The following HHAT variants were observed in gnomAD, a reference collection of about 807,000 sequenced individuals.
The protein encoded by HHAT is hedgehog acyltransferase, also known as protein-cysteine N-palmitoyltransferase HHAT.
A neutral mutation model predicts 70.8 loss-of-function variants in HHAT; 47 were observed. The observed-to-expected ratio is 0.66, with a 90% CI of 0.53 to 0.85. HHAT has a LOEUF of 0.85. HHAT is among the 40% of genes least tolerant of loss of function. HHAT has a pLI of 0.00. For synonymous variants in HHAT, 228 were observed against 247.6 expected, an observed-to-expected ratio of 0.92 and a Z score of 0.74; for missense variants, 609 against 604.8, an observed-to-expected ratio of 1.01 and a Z score of -0.07.
intron 8 of HHAT, among the ~76,000 whole-genome samples, chr1:210,504,557 C>T (rs935798306): frequency 7.2e-5 from 11 of 152,152 alleles, no homozygotes; most frequent in African/African-American, 2.7e-4. Context: ...TGTCTTCACT[C>T]CTGAGCTGAT....
chr1:210,592,876 TTTC>T (rs1316396422), intron 10 of HHAT, among the ~76,000 whole-genome samples: 1 of 57,808 alleles, frequency 1.7e-5, no homozygotes, highest in African/African-American at 3.6e-5. Context: ...AAAACCAACT[TTTC>T]TTTTTTTTTT....
chr1:210,555,418 C>T (rs548294617), intron 9 of HHAT, among the ~76,000 whole-genome samples: 6 of 152,130 alleles, frequency 3.9e-5, no homozygotes, highest in East Asian at 3.9e-4. Flanking sequence ...TTAAGTTGTG[C>T]GTAAGACTAG....
At chr1:210,449,393 T>A (rs1429412885) in intron 7 of HHAT, among the ~76,000 whole-genome samples, 1 of 152,090 alleles carries the variant, frequency 6.6e-6, no homozygotes, top group Non-Finnish European at 1.5e-5. Context: ...GGCTGACGAG[T>A]GTGACCCTTT....
chr1:210,544,367 GTTTTTTTTTTTTTTT>G (rs569514246), intron 9 of HHAT, among the ~76,000 whole-genome samples: 1 of 90,066 alleles, frequency 1.1e-5, no homozygotes, highest in Non-Finnish European at 2.1e-5. Context: ...TCTTTCTTTC[GTTTTTTTTTTTTTTT>G]TTTTTTTTTG....
chr1:210,610,635 T>A (rs1479309156), intron 10 of HHAT, among the ~76,000 whole-genome samples: 2 of 152,134 alleles, frequency 1.3e-5, no homozygotes, highest in East Asian at 3.9e-4. Context: ...CTTCTAGGGT[T>A]TTTATATTTT....
intron 2 of HHAT, among the ~76,000 whole-genome samples, chr1:210,352,470 C>A (rs562732785): frequency 6.6e-6 from 1 of 152,282 alleles, no homozygotes; most frequent in Non-Finnish European, 1.5e-5. Flanking sequence ...GAAAAATCGT[C>A]TTTACTCTGA....
chr1:210,525,344 G>T (rs2095229627), intron 9 of HHAT, among the ~76,000 whole-genome samples: 1 of 152,070 alleles, frequency 6.6e-6, no homozygotes, highest in Non-Finnish European at 1.5e-5. Flanking sequence ...TCCCCTTCCA[G>T]GCTTTCCCCA....
chr1:210,413,585 A>G (rs2092629122), intron 6 of HHAT, among the ~76,000 whole-genome samples: 1 of 152,240 alleles, frequency 6.6e-6, no homozygotes, highest in African/African-American at 2.4e-5. Flanking sequence ...GCTTTAGCTA[A>G]ATATCCAATT....
At chr1:210,559,157 G>C (rs987621621) in intron 9 of HHAT, among the ~76,000 whole-genome samples, 6 of 152,168 alleles carry the variant, frequency 3.9e-5, no homozygotes, top group African/African-American at 1.4e-4. Context: ...GCCTAGTTCA[G>C]ATTATAGTCA....
chr1:210,363,988 C>T (rs2148031715), intron 3 of HHAT, among the ~76,000 whole-genome samples: 1 of 152,244 alleles, frequency 6.6e-6, no homozygotes, highest in East Asian at 1.9e-4. Context: ...TGAATTGTAA[C>T]AAATGTAGCT....
At chr1:210,465,666 G>C (rs2094085269) in intron 8 of HHAT, among the ~76,000 whole-genome samples, 1 of 152,214 alleles carries the variant, frequency 6.6e-6, no homozygotes, top group Non-Finnish European at 1.5e-5. Flanking sequence ...CCAAGACACA[G>C]GTAGGGGAAG....
intron 11 of HHAT, among the ~76,000 whole-genome samples, chr1:210,630,089 A>T (rs1013565462): frequency 1.3e-5 from 2 of 151,748 alleles, no homozygotes; most frequent in African/African-American, 4.8e-5. Flanking sequence ...GATCTGCCCA[A>T]CTCAGCCTCC....
intron 4 of HHAT, among the ~76,000 whole-genome samples, chr1:210,390,054 T>C (rs368761603): frequency 1.3e-5 from 2 of 152,026 alleles, no homozygotes; most frequent in South Asian, 4.1e-4. Flanking sequence ...CATGGAAAAG[T>C]GGGACAAAGA....
chr1:210,532,992 G>A (rs1317259898), intron 9 of HHAT, among the ~76,000 whole-genome samples: 3 of 152,176 alleles, frequency 2.0e-5, no homozygotes, highest in Admixed American at 6.5e-5. Context: ...TTCTTTCCAT[G>A]TAGGTTTTCT....
intron 7 of HHAT, chr1:210,439,868 ATC>A (rs1373991905): frequency 6.6e-6 from 1 of 151,862 alleles, no homozygotes; most frequent in Non-Finnish European, 1.5e-5. Context: ...ATCACCTTAA[ATC>A]TCTGTTTTAG....
At chr1:210,569,140 G>A (rs1314856771) in intron 9 of HHAT, among the ~76,000 whole-genome samples, 2 of 151,950 alleles carry the variant, frequency 1.3e-5, no homozygotes, top group Non-Finnish European at 2.9e-5. Context: ...TTGGGAGGCC[G>A]AAGCGGGCAG....
intron 9 of HHAT, among the ~76,000 whole-genome samples, chr1:210,533,829 T>C (rs1425023847): frequency 6.6e-6 from 1 of 152,208 alleles, no homozygotes; most frequent in Non-Finnish European, 1.5e-5. Context: ...CAAAGATTGA[T>C]AATTTAGTCT....
intron 10 of HHAT, among the ~76,000 whole-genome samples, chr1:210,598,715 T>C (rs544696012): frequency 1.4e-4 from 21 of 152,328 alleles, no homozygotes; most frequent in Admixed American, 1.0e-3. Flanking sequence ...AGAGGTGGCA[T>C]TGCAATTTAA....
intron 11 of HHAT, among the ~76,000 whole-genome samples, 197 bp downstream of exon 11, chr1:210,623,867 C>G (rs1405344154): frequency 1.3e-5 from 2 of 152,070 alleles, no homozygotes; most frequent in African/African-American, 4.8e-5. Context: ...TTGAGGTACC[C>G]CATATCTCCT....
Sources: gnomAD v4.1 joint callset for allele counts (sites outside exome capture counted in the v4.1 genomes callset) on GRCh38, gnomAD v4.1.1 for gene constraint, MANE v1.5 for transcripts, NCBI Gene and HGNC (gene_info 2026-07-23, HGNC 2026-07-21) for gene names.